Variants in THSD7B observed in about 807,000 individuals in gnomAD.
The protein encoded by THSD7B is thrombospondin type 1 domain containing 7B, also known as thrombospondin type-1 domain-containing protein 7B.
THSD7B carries 138 observed loss-of-function variants against 213.6 expected under a neutral mutation model. That is an observed-to-expected ratio of 0.65 (90% CI 0.56 to 0.74). The LOEUF (loss-of-function observed/expected upper bound fraction) is 0.74. Ranked by LOEUF, THSD7B falls within the 30% of genes least tolerant of loss-of-function variation. The pLI, the probability that THSD7B is intolerant of heterozygous loss-of-function variation, is 0.00. For synonymous variants in THSD7B, 742 were observed against 687.0 expected (o/e 1.08, Z -1.25); for missense variants, 1,931 against 1,991.5 (o/e 0.97, Z 0.58).
intron 2 of THSD7B, among the ~76,000 whole-genome samples, chr2:136,911,517 C>T (rs1381886768): frequency 6.6e-6 from 1 of 152,166 alleles, no homozygotes; most frequent in Non-Finnish European, 1.5e-5. Flanking sequence ...AAATCAATAG[C>T]AGTTTCATTA....
At chr2:137,672,290 TTA>T (rs1254253483) in intron 27 of THSD7B, among the ~76,000 whole-genome samples, 1 of 152,184 alleles carries the variant, frequency 6.6e-6, no homozygotes, top group Non-Finnish European at 1.5e-5. Flanking sequence ...CGTAGTGAAA[TTA>T]TATAACTTTT....
chr2:137,333,731 C>T (rs1024356638), intron 12 of THSD7B, among the ~76,000 whole-genome samples: 5 of 152,174 alleles, frequency 3.3e-5, no homozygotes, highest in Non-Finnish European at 5.9e-5. Context: ...TCACTCCCTG[C>T]CCTTAGTTTT....
At chr2:137,600,331 G>GGT (rs1451705091) in intron 17 of THSD7B, among the ~76,000 whole-genome samples, 1 of 152,140 alleles carries the variant, frequency 6.6e-6, no homozygotes, top group Non-Finnish European at 1.5e-5. Context: ...CATGTATGAA[G>GGT]GTGGTGCCAT....
At chr2:137,333,959 A>C (rs931449062) in intron 12 of THSD7B, among the ~76,000 whole-genome samples, 1 of 152,184 alleles carries the variant, frequency 6.6e-6, no homozygotes, top group African/African-American at 2.4e-5. Context: ...CAAACTCTGC[A>C]AAGGGCCAGA....
chr2:137,046,563 CTACTAAAAA>C (rs1460749982), intron 2 of THSD7B, among the ~76,000 whole-genome samples: 1 of 151,870 alleles, frequency 6.6e-6, no homozygotes, highest in Non-Finnish European at 1.5e-5. Context: ...AACACCGTCT[CTACTAAAAA>C]TACAAAAATT....
intron 15 of THSD7B, among the ~76,000 whole-genome samples, chr2:137,547,922 G>C (rs1426970293): frequency 4.6e-5 from 7 of 151,906 alleles, no homozygotes; most frequent in Non-Finnish European, 1.0e-4. Flanking sequence ...CCAGTTATGG[G>C]CTTTCCTTTT....
At chr2:137,114,840 T>G (rs1688415947) in intron 4 of THSD7B, among the ~76,000 whole-genome samples, 1 of 152,130 alleles carries the variant, frequency 6.6e-6, no homozygotes, top group African/African-American at 2.4e-5. Context: ...ATTCCCTCAC[T>G]CTCTTCCAGC....
intron 12 of THSD7B, among the ~76,000 whole-genome samples, chr2:137,333,961 AG>A (rs1209730851): frequency 6.6e-6 from 1 of 152,194 alleles, no homozygotes; most frequent in Non-Finnish European, 1.5e-5. Context: ...AACTCTGCAA[AG>A]GGCCAGAGAA....
chr2:137,476,666 G>A (rs1016432145), intron 15 of THSD7B, among the ~76,000 whole-genome samples: 4 of 151,966 alleles, frequency 2.6e-5, no homozygotes, highest in Non-Finnish European at 4.4e-5. Context: ...CATCTCCTGG[G>A]TTCAAGGGAT....
intron 12 of THSD7B, among the ~76,000 whole-genome samples, chr2:137,388,611 C>T (rs1302397077): frequency 6.6e-6 from 1 of 151,110 alleles, no homozygotes; most frequent in Non-Finnish European, 1.5e-5. Flanking sequence ...ATTAGAACTC[C>T]CTCCTACCTA....
At chr2:137,584,131 T>G (rs1157888665) in intron 17 of THSD7B, among the ~76,000 whole-genome samples, 1 of 152,230 alleles carries the variant, frequency 6.6e-6, no homozygotes, top group Non-Finnish European at 1.5e-5. Context: ...ATGATTTGGC[T>G]CACTGTTCGT....
chr2:137,119,393 C>T (rs954820021), intron 5 of THSD7B, among the ~76,000 whole-genome samples: 2 of 152,152 alleles, frequency 1.3e-5, no homozygotes, highest in Non-Finnish European at 2.9e-5. Flanking sequence ...CTATTGACTA[C>T]GTATGCTACA....
chr2:136,921,726 AT>A (rs1684441725), intron 2 of THSD7B, among the ~76,000 whole-genome samples: 1 of 152,200 alleles, frequency 6.6e-6, no homozygotes, highest in Non-Finnish European at 1.5e-5. Context: ...AAGTGGTAGA[AT>A]TCATAAAGGC....
intron 6 of THSD7B, among the ~76,000 whole-genome samples, chr2:137,166,415 T>G (rs1680130951): frequency 6.6e-6 from 1 of 152,226 alleles, no homozygotes; most frequent in South Asian, 2.1e-4. Context: ...CACATTTATA[T>G]GACATCCTTA....
intron 21 of THSD7B, among the ~76,000 whole-genome samples, chr2:137,647,539 T>C (rs1346491869): frequency 6.7e-6 from 1 of 149,636 alleles, no homozygotes; most frequent in Non-Finnish European, 1.5e-5. Flanking sequence ...TTAGCATCCA[T>C]AGCAGCAGCA....
intron 1 of THSD7B, among the ~76,000 whole-genome samples, chr2:136,772,760 C>T (rs908155061): frequency 1.3e-5 from 2 of 152,066 alleles, no homozygotes; most frequent in African/African-American, 4.8e-5. Context: ...AAGAGGACAA[C>T]TTACTGAGAA....
intron 15 of THSD7B, among the ~76,000 whole-genome samples, chr2:137,534,007 T>G (rs1680452533): frequency 8.7e-6 from 1 of 115,016 alleles, no homozygotes; most frequent in Non-Finnish European, 1.8e-5. Flanking sequence ...TGTATGTGTG[T>G]GTGTGTGCGC....
intron 5 of THSD7B, among the ~76,000 whole-genome samples, chr2:137,126,111 T>C (rs142898236): frequency 1.4e-4 from 22 of 152,310 alleles, no homozygotes; most frequent in African/African-American, 5.1e-4. Context: ...TTTTTTGGAA[T>C]GGTGAATGGG....
Position 137,232,896 on chromosome 2 carries a change from CA to C in THSD7B, c.1916-2del. The C allele has an allele frequency of 6.2e-7, 1 of 1,613,268 alleles. No individual in the cohort carries two copies. Among genetic ancestry groups the C allele is most frequent in the Non-Finnish European group, 8.5e-7 (1 of 1,179,422 alleles). On this transcript the variant is annotated splice_acceptor_variant, in intron 8 of 27. Transcript: ENST00000409968. LOFTEE classifies it high-confidence loss of function. ...TATTACCTTTTGTTCTTATTTTTGGCAGGTGGAAAGCCATGTCCCCCTAGTC... is the reference window on the plus strand; with the variant it reads ...TATTACCTTTTGTTCTTATTTTTGGCGGTGGAAAGCCATGTCCCCCTAGTC...
Sources: gnomAD v4.1 joint callset for allele counts (sites outside exome capture counted in the v4.1 genomes callset) on GRCh38, gnomAD v4.1.1 for gene constraint, MANE v1.5 for transcripts, NCBI Gene and HGNC (gene_info 2026-07-23, HGNC 2026-07-21) for gene names.